ALK: variants seen among roughly 807,000 people sequenced by gnomAD.
The protein encoded by ALK is ALK receptor tyrosine kinase, also known as ALK tyrosine kinase receptor.
Under a neutral mutation model 163.1 loss-of-function variants are expected in ALK, and 74 were observed. That is an observed-to-expected ratio of 0.45 (90% CI 0.38 to 0.55). ALK has a LOEUF of 0.55. ALK is among the 20% of genes least tolerant of loss of function. The probability of loss-of-function intolerance (pLI) is 0.00; values close to 1 mark genes in which losing one functional copy is unlikely to be tolerated. For synonymous variants in ALK, 960 were observed against 843.2 expected, an observed-to-expected ratio of 1.14 and a Z score of -2.40; for missense variants, 2,063 against 2,105.3, an observed-to-expected ratio of 0.98 and a Z score of 0.39.
At chr2:29,392,576 T>C (rs1261139495) in intron 4 of ALK, among the ~76,000 whole-genome samples, 1 of 152,138 alleles carries the variant, frequency 6.6e-6, no homozygotes, top group Admixed American at 6.5e-5. Flanking sequence ...TGCAGGCTTG[T>C]TGGGGGCTGA....
chr2:29,725,504 T>C (rs1486582208), intron 1 of ALK, among the ~76,000 whole-genome samples: 2 of 152,236 alleles, frequency 1.3e-5, no homozygotes, highest in East Asian at 3.8e-4. Flanking sequence ...ACTTGGGCCC[T>C]GACCTCCTTA....
At chr2:29,845,080 C>T (rs1665806687) in intron 1 of ALK, among the ~76,000 whole-genome samples, 1 of 152,204 alleles carries the variant, frequency 6.6e-6, no homozygotes, top group East Asian at 1.9e-4. Context: ...TACTCATTTC[C>T]TGTCTCCAGG....
intron 2 of ALK, among the ~76,000 whole-genome samples, chr2:29,705,289 A>ATC (rs1678875724): frequency 1.7e-5 from 2 of 117,956 alleles, no homozygotes; most frequent in African/African-American, 6.3e-5. Context: ...ATAAATATAT[A>ATC]TCTGCTGTGA....
intron 5 of ALK, among the ~76,000 whole-genome samples, chr2:29,373,105 C>T (rs1356194570): frequency 1.3e-5 from 2 of 152,124 alleles, no homozygotes; most frequent in Non-Finnish European, 2.9e-5. Flanking sequence ...TAACTGGAGC[C>T]TAATCCTTCA....
intron 4 of ALK, among the ~76,000 whole-genome samples, chr2:29,432,682 A>T (rs1416027989): frequency 6.6e-6 from 1 of 151,804 alleles, no homozygotes; most frequent in African/African-American, 2.4e-5. Flanking sequence ...TCTCCCCTTG[A>T]CAACTTGACC....
intron 9 of ALK, among the ~76,000 whole-genome samples, chr2:29,284,785 C>G (rs1424377939): frequency 6.6e-6 from 1 of 152,198 alleles, no homozygotes; most frequent in Non-Finnish European, 1.5e-5. Flanking sequence ...GGGCCAGATC[C>G]TTCCAGAATT....
rs372833265 is a variant in ALK at position 29,337,612 on chromosome 2, C to G, written c.1283-9131G>C. Among the ~76,000 whole-genome samples, 16 of 152,192 alleles carry G rather than the reference C, an allele frequency of 1.1e-4. 1 individual carries two copies. Among genetic ancestry groups the G allele is most frequent in the African/African-American group, 3.6e-4 (15 of 41,530 alleles). ...TTGGAAAAAGCAGGTGCCACAGGCT[C>G]TCTGGGTGATAATTGAGTACAGCCA... On this transcript the variant is annotated intron_variant, in intron 5 of 28. Transcript: ENST00000389048.
At chr2:29,353,561 G>A (rs529872027) in intron 5 of ALK, among the ~76,000 whole-genome samples, 3 of 152,274 alleles carry the variant, frequency 2.0e-5, no homozygotes, top group South Asian at 2.1e-4. Context: ...AGAGGGCAGG[G>A]AATTTACAAG....
chr2:29,624,884 G>A (rs1290512716), intron 3 of ALK, among the ~76,000 whole-genome samples: 6 of 152,214 alleles, frequency 3.9e-5, no homozygotes, highest in African/African-American at 1.4e-4. Flanking sequence ...TGTTCACTGT[G>A]GGCAGAGCCT....
chr2:29,558,920 T>C (rs1024841705), intron 3 of ALK, among the ~76,000 whole-genome samples: 1 of 152,154 alleles, frequency 6.6e-6, no homozygotes, highest in African/African-American at 2.4e-5. Context: ...AAATAATCTA[T>C]CAATTATTTT....
intron 1 of ALK, among the ~76,000 whole-genome samples, 175 bp downstream of exon 1, chr2:29,919,818 G>A (rs962032407): frequency 2.0e-5 from 3 of 152,224 alleles, no homozygotes; most frequent in African/African-American, 4.8e-5. Context: ...CTGCGTTCAG[G>A]GAGAAAACAA....
chr2:29,222,235 T>A (rs2148168147), intron 22 of ALK, 109 bp downstream of exon 22: 1 of 983,594 alleles, frequency 1.0e-6, no homozygotes, highest in African/African-American at 1.6e-5. Context: ...AAAGGGGACA[T>A]GCTAGGGACA....
In ALK at chr2:29,763,036, G is replaced by A. The variant is rs190968000; in HGVS notation, c.668-45339C>T. Among the ~76,000 whole-genome samples the A allele has an allele frequency of 2.8e-4, 42 of 148,182 alleles. 1 individual carries two copies. Among genetic ancestry groups the A allele is most frequent in the Non-Finnish European group, 4.4e-4 (30 of 67,588 alleles). ...AGGGAGGCGGAGGTTGCAGTGAGCC[G>A]AGATCGCGCCACTGCACTCGAGCCT... On this transcript the variant is annotated intron_variant, in intron 1 of 28. Transcript: ENST00000389048.
At chr2:29,440,509 G>A (rs373229036) in intron 4 of ALK, among the ~76,000 whole-genome samples, 22 of 152,100 alleles carry the variant, frequency 1.4e-4, no homozygotes, top group African/African-American at 5.1e-4. Flanking sequence ...TAGAGACAGG[G>A]TTTCACCATG....
At chr2:29,341,254 T>C (rs983424419) in intron 5 of ALK, among the ~76,000 whole-genome samples, 3 of 152,242 alleles carry the variant, frequency 2.0e-5, no homozygotes, top group Non-Finnish European at 4.4e-5. Flanking sequence ...CTTGTAGTGA[T>C]CATGTCCTTC....
intron 1 of ALK, among the ~76,000 whole-genome samples, chr2:29,909,480 C>CAG (rs369360033): frequency 0.085 from 11,544 of 135,796 alleles, 498 homozygotes; most frequent in East Asian, 0.1. Flanking sequence ...GACAGACAGA[C>CAG]AGAGAGAGAG....
At chr2:29,847,999 T>C (rs1385295008) in intron 1 of ALK, among the ~76,000 whole-genome samples, 1 of 152,044 alleles carries the variant, frequency 6.6e-6, no homozygotes, top group African/African-American at 2.4e-5. Flanking sequence ...TAGGCCCAGC[T>C]AGGGAGCCAG....
At chr2:29,508,688 G>C (rs1396269355) in intron 4 of ALK, among the ~76,000 whole-genome samples, 1 of 59,486 alleles carries the variant, frequency 1.7e-5, no homozygotes, top group Admixed American at 2.8e-4. Flanking sequence ...CTAAAACTTA[G>C]AGTATAATAA....
chr2:29,891,747 T>C (rs1292741643), intron 1 of ALK, among the ~76,000 whole-genome samples: 6 of 152,142 alleles, frequency 3.9e-5, no homozygotes, highest in African/African-American at 1.4e-4. Context: ...TGGGACCACA[T>C]GCTACCCAAG....
Sources: gnomAD v4.1 joint callset for allele counts (sites outside exome capture counted in the v4.1 genomes callset) on GRCh38, gnomAD v4.1.1 for gene constraint, MANE v1.5 for transcripts, NCBI Gene and HGNC (gene_info 2026-07-23, HGNC 2026-07-21) for gene names.